The following FARS2 variants were observed in gnomAD, a reference collection of about 807,000 sequenced individuals.
FARS2 encodes the protein phenylalanyl-tRNA synthetase 2, mitochondrial.
Under a neutral mutation model 46.4 loss-of-function variants are expected in FARS2, and 40 were observed. The ratio of observed to expected loss-of-function variants is 0.86; its 90% CI spans 0.67 to 1.12. The LOEUF (loss-of-function observed/expected upper bound fraction) is 1.12. FARS2 is among the 50% of genes most tolerant of loss of function. The probability of loss-of-function intolerance (pLI) is 0.00; values close to 1 mark genes in which losing one functional copy is unlikely to be tolerated. For synonymous variants in FARS2, 234 were observed against 214.9 expected (o/e 1.09, Z -0.78); for missense variants, 513 against 567.9 (o/e 0.90, Z 0.98).
chr6:5,514,867 AAGT>A (rs1768689645), intron 4 of FARS2, among the ~76,000 whole-genome samples: 1 of 151,842 alleles, frequency 6.6e-6, no homozygotes, highest in African/African-American at 2.4e-5. Context: ...TCCTGGGCTC[AAGT>A]GATCATCTTG....
intron 4 of FARS2, among the ~76,000 whole-genome samples, chr6:5,496,975 C>T (rs1767509481): frequency 6.6e-6 from 1 of 152,108 alleles, no homozygotes; most frequent in Non-Finnish European, 1.5e-5. Context: ...TGCACCTCTG[C>T]ACCCAGCTGT....
chr6:5,304,603 C>T (rs1017080077), intron 1 of FARS2, among the ~76,000 whole-genome samples: 3 of 152,150 alleles, frequency 2.0e-5, no homozygotes, highest in African/African-American at 4.8e-5. Context: ...GTTAGGGATG[C>T]AGCCTCTCAC....
intron 4 of FARS2, among the ~76,000 whole-genome samples, chr6:5,435,542 G>GAGT (rs1763472479): frequency 6.6e-6 from 1 of 152,222 alleles, no homozygotes; most frequent in Non-Finnish European, 1.5e-5. Context: ...TCCTTAGACT[G>GAGT]AGTGATTGTG....
intron 4 of FARS2, among the ~76,000 whole-genome samples, chr6:5,519,355 A>C (rs549961675): frequency 6.6e-6 from 1 of 152,208 alleles, no homozygotes; most frequent in African/African-American, 2.4e-5. Context: ...ATTTAGTTGC[A>C]TTGAGGAGTA....
At chr6:5,623,545 C>G (rs1213401333) in intron 6 of FARS2, among the ~76,000 whole-genome samples, 2 of 152,070 alleles carry the variant, frequency 1.3e-5, no homozygotes, top group African/African-American at 4.8e-5. Context: ...AACCCCGTCT[C>G]TACTAAAAAT....
chr6:5,767,899 G>C (rs1397950764), intron 6 of FARS2, among the ~76,000 whole-genome samples: 1 of 152,202 alleles, frequency 6.6e-6, no homozygotes, highest in Non-Finnish European at 1.5e-5. Flanking sequence ...CTAGAATCCA[G>C]ACACTTGGAG....
At chr6:5,642,567 A>T (rs1374147015) in intron 6 of FARS2, among the ~76,000 whole-genome samples, 2 of 152,174 alleles carry the variant, frequency 1.3e-5, no homozygotes, top group African/African-American at 4.8e-5. Context: ...TCCCTCTTGC[A>T]TATGGAATCT....
chr6:5,598,378 G>A (rs1774322540), intron 5 of FARS2, among the ~76,000 whole-genome samples: 1 of 152,144 alleles, frequency 6.6e-6, no homozygotes, highest in Non-Finnish European at 1.5e-5. Context: ...GGGAGACCTT[G>A]TCTCCAAAAT....
chr6:5,654,032 G>C (rs894125081), intron 6 of FARS2, among the ~76,000 whole-genome samples: 9 of 152,152 alleles, frequency 5.9e-5, no homozygotes, highest in Non-Finnish European at 1.2e-4. Context: ...TGGCACCCTG[G>C]GTTCTCTGAC....
intron 3 of FARS2, among the ~76,000 whole-genome samples, chr6:5,409,030 G>T (rs761794881): frequency 6.6e-6 from 1 of 152,124 alleles, no homozygotes. Flanking sequence ...TTTTATATTT[G>T]TATTTGCGTA....
rs143444280 is a variant in FARS2, at chr6:5,504,437, TAAA to T, written c.905-40724_905-40722del. Among the ~76,000 whole-genome samples, 933 of 126,444 alleles carry T rather than the reference TAAA, an allele frequency of 7.4e-3. 6 individuals carry two copies. Among genetic ancestry groups the T allele is most frequent in the Non-Finnish European group, 0.012 (700 of 60,100 alleles). 83.0% of individuals were successfully genotyped at this position (126,444 alleles called of 152,430 possible). ...GGAATGAAATATTTATGCTTTCCAG[TAAA>T]AAAAAAAAAAAAAAAAAAGAATTGA... On this transcript the variant is annotated intron_variant, in intron 4 of 6. Transcript: ENST00000274680.
At chr6:5,256,423 G>C (rs1232130665), upstream of FARS2, among the ~76,000 whole-genome samples, 1 of 142,100 alleles carries the variant, frequency 7.0e-6, no homozygotes, top group East Asian at 2.1e-4. Flanking sequence ...CTGGGAGGTG[G>C]AGGTTGCAGT....
chr6:5,303,601 T>G (rs1768481734), intron 1 of FARS2, among the ~76,000 whole-genome samples: 1 of 152,022 alleles, frequency 6.6e-6, no homozygotes, highest in African/African-American at 2.4e-5. Context: ...CCACGCTGGC[T>G]GCTCCCCAAG....
intron 1 of FARS2, among the ~76,000 whole-genome samples, chr6:5,341,578 G>A (rs1416117719): frequency 6.6e-6 from 1 of 151,530 alleles, no homozygotes; most frequent in Non-Finnish European, 1.5e-5. Context: ...GAGTGCAGTG[G>A]CGTGATCTTG....
intron 5 of FARS2, among the ~76,000 whole-genome samples, chr6:5,584,564 G>C (rs1243078457): frequency 6.6e-6 from 1 of 151,502 alleles, no homozygotes; most frequent in Non-Finnish European, 1.5e-5. Flanking sequence ...TCTCCTTCCC[G>C]TGTGTGCCTG....
intron 2 of FARS2, among the ~76,000 whole-genome samples, chr6:5,381,404 C>CACACACACACAA (rs1444628211): frequency 1.2e-5 from 1 of 81,898 alleles, no homozygotes; most frequent in African/African-American, 6.1e-5. Flanking sequence ...CACACACACA[C>CACACACACACAA]ATACACACAC....
intron 6 of FARS2, among the ~76,000 whole-genome samples, chr6:5,661,073 G>T (rs908789250): frequency 7.9e-5 from 12 of 152,350 alleles, no homozygotes; most frequent in South Asian, 2.1e-4. Context: ...GCAACAAGTT[G>T]TTCCAACTGA....
At chr6:5,464,055 A>G (rs1243367855) in intron 4 of FARS2, among the ~76,000 whole-genome samples, 1 of 152,214 alleles carries the variant, frequency 6.6e-6, no homozygotes, top group Non-Finnish European at 1.5e-5. Flanking sequence ...GGACTTAAGT[A>G]TGTACATTTG....
chr6:5,260,541 G>C, upstream of FARS2: 2 of 1,442,138 alleles, frequency 1.4e-6, no homozygotes, highest in South Asian at 2.5e-5. Context: ...GCAGCCGCCG[G>C]CAAACCACGG....
Sources: allele counts gnomAD v4.1 joint callset (sites outside exome capture counted in the v4.1 genomes callset), GRCh38; gene constraint gnomAD v4.1.1; transcripts MANE v1.5; gene names NCBI Gene and HGNC (gene_info 2026-07-23, HGNC 2026-07-21).